The following SVEP1 variants were observed in gnomAD, a reference collection of about 807,000 sequenced individuals.
SVEP1 encodes the protein sushi, von Willebrand factor type A, EGF and pentraxin domain-containing protein 1.
In SVEP1, 164 loss-of-function variants were observed where a neutral mutation model predicts 367.3. The observed-to-expected ratio is 0.45, with a 90% confidence interval of 0.39 to 0.51. The LOEUF (loss-of-function observed/expected upper bound fraction) is 0.51. Among genes scored for constraint, SVEP1 ranks in the 20% least tolerant of loss-of-function variants. The pLI, the probability that SVEP1 is intolerant of heterozygous loss-of-function variation, is 0.00. For synonymous variants in SVEP1, 1,666 were observed against 1,611.6 expected (o/e 1.03, Z -0.81); for missense variants, 4,117 against 4,425.3 (o/e 0.93, Z 1.98).
chr9:110,563,982 C>G (rs1449658003), intron 1 of SVEP1, among the ~76,000 whole-genome samples: 1 of 152,168 alleles, frequency 6.6e-6, no homozygotes, highest in African/African-American at 2.4e-5. Flanking sequence ...TGAACTATCT[C>G]AATCTCTGGA....
At position 110,408,276 on chromosome 9, in the gene SVEP1, G is replaced by A. The variant is rs773858716; in HGVS notation, c.7324C>T (p.Gln2442Ter). Residue 2442 changes from glutamine to a stop codon, truncating the protein, a stop_gained, in exon 38 of 48, where the codon CAA becomes TAA. Coordinates refer to ENST00000374469, the MANE Select transcript of SVEP1 (RefSeq NM_153366.4). LOFTEE classifies it high-confidence loss of function. Reference sequence around the variant, plus strand: ...ATTCCATTGGGGATTTCCTCAGGTTGGGGACATTCTACTGGAACACATTCT... The same window carrying A: ...ATTCCATTGGGGATTTCCTCAGGTTAGGGACATTCTACTGGAACACATTCT... ...LPECVPVECP[Q>*]PEEIPNGIID... The A allele has an allele frequency of 6.2e-7, 1 of 1,613,980 alleles. No homozygotes were observed. Among genetic ancestry groups the A allele is most frequent in the Non-Finnish European group, 8.5e-7 (1 of 1,179,888 alleles).
chr9:110,563,112 T>C (rs1464364050), intron 1 of SVEP1, among the ~76,000 whole-genome samples: 2 of 152,182 alleles, frequency 1.3e-5, no homozygotes, highest in Non-Finnish European at 2.9e-5. Context: ...GAATAACTAT[T>C]TCAACTGCAA....
At chr9:110,382,921 C>G (rs927491592) in intron 43 of SVEP1, among the ~76,000 whole-genome samples, 1 of 152,146 alleles carries the variant, frequency 6.6e-6, no homozygotes, top group African/African-American at 2.4e-5. Flanking sequence ...CATTTACATT[C>G]CTTTCTAAAC....
intron 8 of SVEP1, among the ~76,000 whole-genome samples, chr9:110,493,346 G>A (rs1409911842): frequency 6.6e-6 from 1 of 152,168 alleles, no homozygotes; most frequent in East Asian, 1.9e-4. Context: ...ACAAATGAAA[G>A]ACTTTTGAAC....
At chr9:110,447,169 A>G in intron 24 of SVEP1, 112 bp from the exon 25 acceptor site, 1 of 1,011,554 alleles carries the variant, frequency 9.9e-7, no homozygotes, top group South Asian at 2.9e-5. Flanking sequence ...CACATTTTCT[A>G]CACCAAAACA....
chr9:110,480,485 G>A (rs992025460), intron 12 of SVEP1, among the ~76,000 whole-genome samples: 1 of 151,974 alleles, frequency 6.6e-6, no homozygotes, highest in Non-Finnish European at 1.5e-5. Context: ...GAATACATTA[G>A]GTTATTTTTA....
At chr9:110,507,014 C>T (rs1430843979) in intron 5 of SVEP1, among the ~76,000 whole-genome samples, 1 of 152,120 alleles carries the variant, frequency 6.6e-6, no homozygotes, top group African/African-American at 2.4e-5. Context: ...CATGCACATT[C>T]CATTCACGAA....
intron 3 of SVEP1, among the ~76,000 whole-genome samples, chr9:110,518,257 T>A (rs190477504): frequency 6.6e-6 from 1 of 152,072 alleles, no homozygotes; most frequent in South Asian, 2.1e-4. Context: ...ACCCCGTCTC[T>A]ACTAAAAATA....
chr9:110,509,977 G>T (rs1390253752), intron 5 of SVEP1, among the ~76,000 whole-genome samples: 2 of 152,196 alleles, frequency 1.3e-5, no homozygotes, highest in African/African-American at 4.8e-5. Flanking sequence ...TCCAAGTTAG[G>T]GTTGATCAAA....
chr9:110,574,847 G>A (rs1830607369), intron 1 of SVEP1, among the ~76,000 whole-genome samples: 1 of 145,262 alleles, frequency 6.9e-6, no homozygotes, highest in Non-Finnish European at 1.5e-5. Context: ...CCGGGTTCAC[G>A]CCATTCTCCT....
At chr9:110,386,095 T>G (rs776846355) in intron 42 of SVEP1, 21 bp from the exon 43 acceptor site, 1 of 1,598,840 alleles carries the variant, frequency 6.3e-7, no homozygotes, top group South Asian at 1.1e-5. Context: ...GAAAAGAAAA[T>G]GCTTACTGAT....
rs71371670 is a variant in SVEP1 at position 110,466,760 on chromosome 9, C to CAAAAAAAAAAAAAAAAAAAAAAA, written c.3161-735_3161-734insTTTTTTTTTTTTTTTTTTTTTTT. 1.9e-4 allele frequency among the ~76,000 whole-genome samples: 9 copies of CAAAAAAAAAAAAAAAAAAAAAAA among 46,404 alleles called. 3 individuals are homozygous for CAAAAAAAAAAAAAAAAAAAAAAA. The highest frequency in any genetic ancestry group is 3.7e-4 in the African/African-American group (4 of 10,798). 30.4% of individuals were successfully genotyped at this position (46,404 alleles called of 152,430 possible). On this transcript the variant is annotated intron_variant, in intron 17 of 47. Coordinates refer to ENST00000374469, the MANE Select transcript of SVEP1 (RefSeq NM_153366.4). ...TGGGCGACAGAGCGAGACTCCATCT[C>CAAAAAAAAAAAAAAAAAAAAAAA]AAAAAAAAAAAAAAAAAAGAACTGG...
intron 3 of SVEP1, among the ~76,000 whole-genome samples, chr9:110,542,996 T>TA (rs1830172127): frequency 2.0e-5 from 3 of 147,064 alleles, no homozygotes; most frequent in South Asian, 4.2e-4. Context: ...ATATATAAAA[T>TA]AAAAAAAATA....
At chr9:110,517,605 A>AAG (rs1185822911) in intron 3 of SVEP1, among the ~76,000 whole-genome samples, 1 of 151,270 alleles carries the variant, frequency 6.6e-6, no homozygotes, top group African/African-American at 2.4e-5. Context: ...CTCAAAAAAA[A>AAG]AAAAAAAAAT....
intron 1 of SVEP1, among the ~76,000 whole-genome samples, chr9:110,577,193 AAAG>A (rs1830637155): frequency 6.6e-6 from 1 of 152,154 alleles, no homozygotes; most frequent in Admixed American, 6.5e-5. Context: ...TTAACTAGAA[AAAG>A]AATAGATTTT....
rs1308038317 is a variant in SVEP1 at position 110,392,151 on chromosome 9, A to ATATATATATATATATATATATATC, written c.9823-2565_9823-2564insGATATATATATATATATATATATA. Among the ~76,000 whole-genome samples, 29 of 146,010 alleles carry ATATATATATATATATATATATATC rather than the reference A, an allele frequency of 2.0e-4. 1 individual carries two copies. The highest frequency in any genetic ancestry group is 7.2e-4 in the African/African-American group (27 of 37,356). ...TTCCTCATTATATATATATATATAT[A>ATATATATATATATATATATATATC]TATCTCTTCTCTCTCTCTCCTATTG... On this transcript the variant is annotated intron_variant, in intron 40 of 47. Transcript: ENST00000374469.
intron 20 of SVEP1, among the ~76,000 whole-genome samples, chr9:110,457,621 G>A (rs188354029): frequency 4.7e-4 from 71 of 152,268 alleles, no homozygotes; most frequent in Non-Finnish European, 8.4e-4. Flanking sequence ...TTGATATTTT[G>A]AAGGCATACT....
At chr9:110,466,367 T>C (rs1352103100) in intron 17 of SVEP1, among the ~76,000 whole-genome samples, 2 of 152,158 alleles carry the variant, frequency 1.3e-5, no homozygotes, top group Admixed American at 6.5e-5. Context: ...TTTGTTCATG[T>C]AGAAGTTCTC....
rs942720672 is a variant in SVEP1, at chr9:110,434,294, T to A, written c.5059+42A>T. ...CTGAAAAGAGTTATGTTTTCAATAT[T>A]TTTCAAAAGTCACTGAAATGGCTTC... On this transcript the variant is annotated intron_variant, in intron 30 of 47. Transcript: ENST00000374469. 1.0e-5 allele frequency: 16 copies of A among 1,562,336 alleles called. No individual in the cohort carries two copies. In the Admixed American group the frequency reaches 2.8e-4, roughly 27 times the overall value.
Sources: gnomAD v4.1 joint callset for allele counts (sites outside exome capture counted in the v4.1 genomes callset) on GRCh38, gnomAD v4.1.1 for gene constraint, MANE v1.5 for transcripts, NCBI Gene and HGNC (gene_info 2026-07-23, HGNC 2026-07-21) for gene names.